The following HAL variants were observed in gnomAD, a reference collection of about 807,000 sequenced individuals.
HAL encodes histidine ammonia-lyase.
Under a neutral mutation model 81.1 loss-of-function variants are expected in HAL, and 85 were observed. The ratio of observed to expected loss-of-function variants is 1.05; its 90% confidence interval spans 0.88 to 1.25. HAL has a LOEUF of 1.25. Among genes scored for constraint, HAL ranks in the 50% most tolerant of loss-of-function variants. The pLI, the probability that HAL is intolerant of heterozygous loss-of-function variation, is 0.00. For missense variants in HAL, 798 were observed against 836.6 expected (o/e 0.95, Z 0.57); for synonymous variants, 301 against 309.2 (o/e 0.97, Z 0.28).
rs1450249781 is a variant in HAL at position 95,977,808 on chromosome 12, G to A, written c.1654+136C>T. On this transcript the variant is annotated intron_variant, in intron 18 of 20. Transcript: ENST00000261208. ...CTGGAGTGTCTGAATTAGCCAGCCT[G>A]CAAGGAGGCCTGAGAGTCTGCCTTC... The A allele has an allele frequency of 1.2e-5, 11 of 886,196 alleles. No homozygotes were observed. In the East Asian group the frequency reaches 2.8e-4, roughly 22 times the overall value. The allele number at this position is 886,196 out of a possible 1,614,324, so 54.9% of individuals were successfully genotyped here.
Position 95,973,568 on chromosome 12 carries a change from C to T in HAL, c.*664G>A, listed in dbSNP as rs1320505574. 6.6e-6 allele frequency: 1 copy of T among 152,602 alleles called. No individual in the cohort carries two copies. The highest frequency in any genetic ancestry group is 6.5e-5 in the Admixed American group (1 of 15,332). The allele number at this position is 152,602 out of a possible 1,614,324, so 9.5% of individuals were successfully genotyped here. ...AATACACAGTTTAATAAGAGCCACC[C>T]AAATAGCAATCTTTATATTCATTCC... On this transcript the variant is annotated 3_prime_UTR_variant, in exon 21 of 21. Coordinates refer to ENST00000261208, the MANE Select transcript of HAL (RefSeq NM_002108.4).
intron 9 of HAL, 92 bp from the exon 10 acceptor site, chr12:95,990,624 A>G: frequency 2.0e-6 from 2 of 986,018 alleles, no homozygotes; most frequent in South Asian, 1.3e-5. Context: ...CCCCGCAAAC[A>G]CCCTGCCTCC....
rs780235089 is a variant in HAL at position 95,983,942 on chromosome 12, G to A, written c.1256C>T (p.Thr419Ile). ...DTIAFVKNII[T>I]TELNSATDNP... is the part of the protein sequence containing the mutation. ...ATCTGTTGCGCTGTTCAGTTCTGTG[G>A]TAATGATGTTCTTCACAAATGCTAT... Residue 419 changes from threonine to isoleucine, a missense_variant, in exon 15 of 21, where the codon ACC becomes ATC. By Grantham distance (89) the Thr-to-Ile change is moderately conservative. Coordinates refer to ENST00000261208, the MANE Select transcript of HAL (RefSeq NM_002108.4). 1 of 1,582,444 alleles carries A rather than the reference G, an allele frequency of 6.3e-7. No individual in the cohort carries two copies. Among genetic ancestry groups the A allele is most frequent in the South Asian group, 1.1e-5 (1 of 90,388 alleles).
Position 95,972,834 on chromosome 12 carries a change from A to G in HAL, c.*1398T>C, listed in dbSNP as rs1234678280. Reference sequence around the variant, plus strand: ...TCCCCAAACTGGAGCGAAGAGCACCATGAGACCACTGGGGGTTACTGGCTC... The same window carrying G: ...TCCCCAAACTGGAGCGAAGAGCACCGTGAGACCACTGGGGGTTACTGGCTC... On this transcript the variant is annotated 3_prime_UTR_variant, in exon 21 of 21. Transcript: ENST00000261208. The G allele has an allele frequency of 6.6e-6, 1 of 152,220 alleles. No homozygotes were observed. Among genetic ancestry groups the G allele is most frequent in the Non-Finnish European group, 1.5e-5 (1 of 68,042 alleles). 9.4% of individuals were successfully genotyped at this position (152,220 alleles called of 1,614,324 possible).
At chr12:95,996,027 C>T in intron 1 of HAL, 36 bp from the exon 2 acceptor site, 1 of 953,986 alleles carries the variant, frequency 1.0e-6, no homozygotes, top group Non-Finnish European at 1.6e-6. Context: ...AACCACTCCC[C>T]CTCCTTCACC....
At chr12:95,980,914 T>C (rs1392599694) in intron 15 of HAL, 51 bp from the exon 16 acceptor site, 1 of 1,028,254 alleles carries the variant, frequency 9.7e-7, no homozygotes, top group Non-Finnish European at 1.5e-6. Context: ...TCACTTCAAG[T>C]ACAACCCCTT....
intron 17 of HAL, among the ~76,000 whole-genome samples, chr12:95,978,825 C>T (rs557390601): frequency 1.2e-3 from 183 of 152,296 alleles, no homozygotes; most frequent in Non-Finnish European, 2.1e-3. Context: ...GACTCAAAGT[C>T]TCTTCTCCTC....
intron 14 of HAL, 111 bp from the exon 15 acceptor site, chr12:95,984,102 A>G (rs560466206): frequency 1.5e-6 from 1 of 688,464 alleles, no homozygotes; most frequent in Non-Finnish European, 2.6e-6. Context: ...AATACAGAAG[A>G]TCTTATTTTA....
intron 12 of HAL, 115 bp downstream of exon 12, chr12:95,986,952 G>C: frequency 1.1e-6 from 1 of 899,514 alleles, no homozygotes; most frequent in South Asian, 1.3e-5. Context: ...AGGCACTTGG[G>C]TTTTCTCCTT....
In HAL at chr12:95,980,692, A is replaced by G. The variant is rs778005750; in HGVS notation, c.1383T>C (p.His461=). ...TTCTCTCACTGATTGCAGCAAGTTCATGGATGCCAATGGCCAAGTAGTCTA... is the reference window on the plus strand; with the variant it reads ...TTCTCTCACTGATTGCAGCAAGTTCGTGGATGCCAATGGCCAAGTAGTCTA... ...KALDYLAIGI[H]ELAAISERRI... Residue 461 remains histidine (H), a synonymous_variant, in exon 17 of 21, where the codon CAT becomes CAC. Transcript: ENST00000261208. 1.9e-6 allele frequency: 3 copies of G among 1,613,880 alleles called. No homozygotes were observed. Among genetic ancestry groups the G allele is most frequent in the Middle Eastern group, 1.6e-4 (1 of 6,062 alleles).
At chr12:95,974,805 T>G (rs1487938171) in intron 20 of HAL, among the ~76,000 whole-genome samples, 1 of 152,116 alleles carries the variant, frequency 6.6e-6, no homozygotes, top group Non-Finnish European at 1.5e-5. Flanking sequence ...AGTAGCATGA[T>G]CTCAGCTCAC....
Position 95,996,070 on chromosome 12 carries a change from TG to T in HAL, c.-82+7del, listed in dbSNP as rs1950032761. ...ATTCATGCATTGGACAAATATTTAT[TG>T]AGGTACCTGCTGTCCCTTTGGTTTT... is the stretch of plus-strand genomic sequence containing the variant. On this transcript the variant is annotated splice_region_variant and intron_variant, in intron 1 of 20. Transcript: ENST00000261208. 9 of 740,194 alleles carry T rather than the reference TG, an allele frequency of 1.2e-5. No individual in the cohort carries two copies. The South Asian group carries it at 1.3e-4, about 11-fold the overall frequency. The allele number at this position is 740,194 out of a possible 1,614,324, so 45.9% of individuals were successfully genotyped here. A position where few individuals can be genotyped will look rare whatever the true frequency, so the allele number is the denominator to read the frequency against.
At chr12:95,983,243 C>T (rs1295543983) in intron 15 of HAL, among the ~76,000 whole-genome samples, 2 of 152,076 alleles carry the variant, frequency 1.3e-5, no homozygotes, top group Non-Finnish European at 2.9e-5. Flanking sequence ...CAAATATTAG[C>T]CAGGCCTGCT....
intron 17 of HAL, among the ~76,000 whole-genome samples, chr12:95,979,864 G>C (rs1204249631): frequency 6.6e-6 from 1 of 152,202 alleles, no homozygotes; most frequent in Non-Finnish European, 1.5e-5. Flanking sequence ...TTAACTCTCA[G>C]ATCTTCAGAT....
chr12:95,993,831 G>T lies in HAL; in HGVS notation c.492C>A (p.Tyr164Ter), dbSNP rs17024973. The T allele has an allele frequency of 1.9e-6, 3 of 1,563,434 alleles. No individual in the cohort carries two copies. Among genetic ancestry groups the T allele is most frequent in the African/African-American group, 1.4e-5 (1 of 73,788 alleles). ...DSIIKEKTVV[Y>*]GITTGFGKFA... ...ATTTCCCAAAACCTGTAGTAATACC[G>T]TAAACAACTAGAATAAAAAGAGACA... is the stretch of plus-strand genomic sequence containing the variant. The change falls in exon 7 of 21, where the codon TAC becomes TAA. Residue 164 changes from tyrosine to a stop codon, truncating the protein, a stop_gained. Transcript: ENST00000261208. LOFTEE classifies it high-confidence loss of function.
chr12:95,991,440 A>G (rs1949969167), intron 9 of HAL, among the ~76,000 whole-genome samples: 1 of 152,216 alleles, frequency 6.6e-6, no homozygotes, highest in African/African-American at 2.4e-5. Flanking sequence ...CAAAGCATTA[A>G]CAAGGTTTCC....
chr12:95,996,027 C>A lies in HAL; in HGVS notation c.-81-36G>T, dbSNP rs57286468. On this transcript the variant is annotated intron_variant, in intron 1 of 20. Transcript: ENST00000261208. ...GAGAATAGACTTTCAAACCACTCCC[C>A]CTCCTTCACCTTTACTCATTCATGC... The A allele has an allele frequency of 4.1e-3, 3,927 of 953,974 alleles. 96 individuals are homozygous for A. In the African/African-American group the frequency reaches 0.054, roughly 13 times the overall value. The allele number at this position is 953,974 out of a possible 1,614,324, so 59.1% of individuals were successfully genotyped here.
At chr12:95,993,425 A>G in intron 8 of HAL, 26 bp downstream of exon 8, 1 of 1,480,096 alleles carries the variant, frequency 6.8e-7, no homozygotes. Flanking sequence ...CACAAGATCC[A>G]GGAGGCACCC....
intron 20 of HAL, among the ~76,000 whole-genome samples, chr12:95,974,645 A>T (rs894188894): frequency 6.6e-6 from 1 of 152,264 alleles, no homozygotes; most frequent in Non-Finnish European, 1.5e-5. Context: ...CAAGCAAGCA[A>T]ATAACAAAAC....
Sources: allele counts gnomAD v4.1 joint callset (sites outside exome capture counted in the v4.1 genomes callset), GRCh38; gene constraint gnomAD v4.1.1; transcripts MANE v1.5; gene names NCBI Gene and HGNC (gene_info 2026-07-23, HGNC 2026-07-21).